EPB41L2: variants seen among roughly 807,000 people sequenced by gnomAD.
The protein encoded by EPB41L2 is band 4.1-like protein 2.
Under a neutral mutation model 113.0 loss-of-function variants are expected in EPB41L2, and 43 were observed. The observed-to-expected ratio is 0.38, with a 90% CI of 0.30 to 0.49. The LOEUF (loss-of-function observed/expected upper bound fraction) is 0.49. EPB41L2 is among the 20% of genes least tolerant of loss of function. The pLI is 0.95. For missense variants in EPB41L2, 1,147 were observed against 1,223.4 expected (o/e 0.94, Z 0.93); for synonymous variants, 442 against 436.7 (o/e 1.01, Z -0.15).
At chr6:130,869,426 C>T in intron 15 of EPB41L2, 137 bp downstream of exon 15, 1 of 832,110 alleles carries the variant, frequency 1.2e-6, no homozygotes, top group Non-Finnish European at 1.9e-6. Flanking sequence ...GTGCTTCCCC[C>T]TTCCTCCCAT....
chr6:130,919,844 T>C (rs775303100), intron 4 of EPB41L2, among the ~76,000 whole-genome samples: 2 of 152,212 alleles, frequency 1.3e-5, no homozygotes, highest in Non-Finnish European at 2.9e-5. Flanking sequence ...TCAGCAGAAC[T>C]ATTAACAGCA....
chr6:130,867,974 T>TCTCACACACACA (rs1562338485), intron 15 of EPB41L2: 1 of 90,720 alleles, frequency 1.1e-5, no homozygotes, highest in Non-Finnish European at 2.3e-5. Context: ...ACACACACAC[T>TCTCACACACACA]CTCTCTCTCT....
chr6:130,892,403 C>CTTGTTTTTTTTTTTTTTTTTTTT (rs1793197600), intron 10 of EPB41L2, among the ~76,000 whole-genome samples: 1 of 92,640 alleles, frequency 1.1e-5, no homozygotes. Flanking sequence ...CAGATTATTG[C>CTTGTTTTTTTTTTTTTTTTTTTT]TTTTTTTTTT....
intron 1 of EPB41L2, among the ~76,000 whole-genome samples, chr6:131,050,924 AAT>A (rs1796392262): frequency 6.6e-6 from 1 of 152,226 alleles, no homozygotes; most frequent in African/African-American, 2.4e-5. Flanking sequence ...GTGTGACAAC[AAT>A]ATGTCTGTCT....
intron 18 of EPB41L2, among the ~76,000 whole-genome samples, chr6:130,863,141 C>T (rs1461554956): frequency 6.6e-6 from 1 of 152,176 alleles, no homozygotes; most frequent in Admixed American, 6.5e-5. Flanking sequence ...TAAATTTTCA[C>T]TTTGTAAGAA....
At chr6:130,924,716 A>T (rs1804060941) in intron 4 of EPB41L2, among the ~76,000 whole-genome samples, 1 of 152,100 alleles carries the variant, frequency 6.6e-6, no homozygotes, top group Non-Finnish European at 1.5e-5. Flanking sequence ...GAACTTCCAC[A>T]CTGTTTTCCA....
At chr6:130,852,312 C>T (rs9388860) in intron 19 of EPB41L2, among the ~76,000 whole-genome samples, 16,928 of 152,162 alleles carry the variant, frequency 0.11, 1,208 homozygotes, top group South Asian at 0.19. Context: ...AACATGCAGA[C>T]GATCCAGAAA....
chr6:131,047,309 T>C (rs1010179677), intron 1 of EPB41L2, among the ~76,000 whole-genome samples: 5 of 152,058 alleles, frequency 3.3e-5, no homozygotes, highest in Non-Finnish European at 7.4e-5. Flanking sequence ...GAGTACCCAG[T>C]GTACTCCGGC....
intron 1 of EPB41L2, among the ~76,000 whole-genome samples, chr6:130,993,811 G>A (rs903850424): frequency 6.6e-6 from 1 of 152,160 alleles, no homozygotes; most frequent in Non-Finnish European, 1.5e-5. Flanking sequence ...AGGTAAAGCA[G>A]AGTAGGTTGC....
intron 1 of EPB41L2, among the ~76,000 whole-genome samples, chr6:131,017,270 G>C (rs186186713): frequency 2.6e-5 from 4 of 152,156 alleles, no homozygotes; most frequent in African/African-American, 4.8e-5. Context: ...AGTGGTTTCA[G>C]TATCCCAGCA....
At chr6:130,869,322 T>A (rs1784883866) in intron 15 of EPB41L2, among the ~76,000 whole-genome samples, 1 of 152,158 alleles carries the variant, frequency 6.6e-6, no homozygotes, top group Admixed American at 6.5e-5. Context: ...GAAAAATTGA[T>A]GTGGTGCTTC....
At chr6:130,881,847 C>T (rs943825697) in intron 12 of EPB41L2, 1 of 151,964 alleles carries the variant, frequency 6.6e-6, no homozygotes, top group African/African-American at 2.4e-5. Context: ...TTATAAAATA[C>T]CCTATAGTGA....
chr6:130,947,021 C>T (rs1020839625), intron 3 of EPB41L2, among the ~76,000 whole-genome samples: 14 of 139,768 alleles, frequency 1.0e-4, no homozygotes, highest in Non-Finnish European at 1.7e-4. Flanking sequence ...AAGAAGACCC[C>T]CCCCCCAGCC....
chr6:130,980,359 G>A (rs969516554), intron 1 of EPB41L2, among the ~76,000 whole-genome samples: 1 of 151,940 alleles, frequency 6.6e-6, no homozygotes, highest in Non-Finnish European at 1.5e-5. Flanking sequence ...ATAGAGAGGA[G>A]AGGTTCAACA....
intron 1 of EPB41L2, among the ~76,000 whole-genome samples, chr6:131,048,052 T>C (rs1193703579): frequency 1.4e-5 from 2 of 138,642 alleles, no homozygotes; most frequent in Non-Finnish European, 3.1e-5. Context: ...GGCAGAGAAC[T>C]GCTTGAATCT....
In EPB41L2 at chr6:130,870,244, T is replaced by C. The variant is rs41285322; in HGVS notation, c.2044-118A>G. ...TGGAGAAAAACAAAGATGATTATGA[T>C]GGCTGACTGAAAGGGAAGCGGGGCA... On this transcript the variant is annotated intron_variant, in intron 14 of 19. Transcript: ENST00000337057. The C allele has an allele frequency of 4.7e-3, 7,213 of 1,531,238 alleles. 29 individuals carry two copies. The highest frequency in any genetic ancestry group is 5.3e-3 in the Non-Finnish European group (5,997 of 1,129,192). 94.9% of individuals were successfully genotyped at this position (1,531,238 alleles called of 1,614,324 possible). A position where few individuals can be genotyped will look rare whatever the true frequency, so the allele number is the denominator to read the frequency against.
rs949700220 is a variant in EPB41L2, at chr6:130,880,546, C to T, written c.1834-340G>A. On this transcript the variant is annotated intron_variant, in intron 12 of 19. Transcript: ENST00000337057. ...AAGGGGAGTATTAGTGGAAACTCTACCATCAGTGCAAAGAAGCTGTATTTG... is the reference window on the plus strand; with the variant it reads ...AAGGGGAGTATTAGTGGAAACTCTATCATCAGTGCAAAGAAGCTGTATTTG... 6.6e-6 allele frequency: 4 copies of T among 604,970 alleles called. No individual in the cohort carries two copies. The African/African-American group carries it at 7.4e-5, about 11-fold the overall frequency. 37.5% of individuals were successfully genotyped at this position (604,970 alleles called of 1,614,324 possible).
intron 8 of EPB41L2, among the ~76,000 whole-genome samples, chr6:130,895,364 T>C (rs1386060871): frequency 1.3e-5 from 2 of 152,126 alleles, no homozygotes; most frequent in East Asian, 3.9e-4. Context: ...TAAGACACAG[T>C]GTCCTTCAAA....
intron 1 of EPB41L2, among the ~76,000 whole-genome samples, chr6:131,032,797 TA>T (rs1161834499): frequency 2.0e-5 from 3 of 152,216 alleles, no homozygotes; most frequent in African/African-American, 7.2e-5. Flanking sequence ...ACTAACCTCA[TA>T]ATGGTACCTC....
Sources: gnomAD v4.1 joint callset for allele counts (sites outside exome capture counted in the v4.1 genomes callset) on GRCh38, gnomAD v4.1.1 for gene constraint, MANE v1.5 for transcripts, NCBI Gene and HGNC (gene_info 2026-07-23, HGNC 2026-07-21) for gene names.